KRT39: variants seen among roughly 807,000 people sequenced by gnomAD.
KRT39 encodes keratin, type I cytoskeletal 39.
Under a neutral mutation model 54.8 loss-of-function variants are expected in KRT39, and 47 were observed. The observed-to-expected ratio is 0.86, with a 90% confidence interval of 0.68 to 1.09. KRT39 has a LOEUF of 1.09. KRT39 is among the 50% of genes least tolerant of loss of function. KRT39 has a pLI of 0.00. For synonymous variants in KRT39, 207 were observed against 227.9 expected (o/e 0.91, Z 0.83); for missense variants, 580 against 598.5 (o/e 0.97, Z 0.32).
Position 40,962,451 on chromosome 17 carries a change from G to C in KRT39, c.821C>G (p.Pro274Arg), listed in dbSNP as rs1293480773. ...ATCTTTGCGGTTTGTCTCCATGATG[G>C]GCTCATATTGACATCTCATTTCTTG... ...VLQEMRCQYE[P>R]IMETNRKDVE... The change falls in exon 4 of 7, where the codon CCC becomes CGC. Residue 274 changes from proline to arginine, a missense_variant. Physicochemically the swap from Pro to Arg is moderately radical, Grantham distance 103. Transcript: ENST00000355612. The C allele has an allele frequency of 4.3e-6, 7 of 1,614,046 alleles. No individual in the cohort carries two copies. Among genetic ancestry groups the C allele is most frequent in the Non-Finnish European group, 5.9e-6 (7 of 1,180,040 alleles).
rs530818487 is a variant in KRT39, at chr17:40,962,433, C to T, written c.839G>A (p.Arg280His). The T allele has an allele frequency of 2.1e-5, 34 of 1,614,130 alleles. No homozygotes were observed. The highest frequency in any genetic ancestry group is 1.5e-4 in the Admixed American group (9 of 60,012). The change falls in exon 4 of 7, where the codon CGC (arginine) becomes CAC (histidine). Residue 280 changes from arginine to histidine, a missense_variant. Physicochemically the swap from Arg to His is conservative, Grantham distance 29. Transcript: ENST00000355612. ...GTTGAACCACTGTTCCACATCTTTG[C>T]GGTTTGTCTCCATGATGGGCTCATA... is the stretch of plus-strand genomic sequence containing the variant. ...CQYEPIMETN[R>H]KDVEQWFNTQ...
At chr17:40,965,217 A>G (rs1195622198) in intron 1 of KRT39, among the ~76,000 whole-genome samples, 1 of 147,568 alleles carries the variant, frequency 6.8e-6, no homozygotes, top group African/African-American at 2.5e-5. Context: ...AAAAAAAAAA[A>G]ATACAAAAAT....
chr17:40,966,077 G>A (rs374765575), intron 1 of KRT39, among the ~76,000 whole-genome samples: 1 of 151,566 alleles, frequency 6.6e-6, no homozygotes, highest in African/African-American at 2.4e-5. Context: ...ATGTGTGTGT[G>A]TGTGTGTGTG....
rs746409100 is a variant in KRT39 at position 40,966,372 on chromosome 17, G to A, written c.468+17C>T. The A allele has an allele frequency of 1.3e-6, 2 of 1,546,112 alleles. No individual in the cohort carries two copies. Among genetic ancestry groups the A allele is most frequent in the Admixed American group, 1.7e-5 (1 of 59,156 alleles). On this transcript the variant is annotated intron_variant, in intron 1 of 6. Coordinates refer to ENST00000355612, the MANE Select transcript of KRT39 (RefSeq NM_213656.4). ...ATTAATTCACAACACGATTAAACAG[G>A]TTCTTAGGAATCTTACCTTCTGCTG...
intron 3 of KRT39, 46 bp from the exon 4 acceptor site, chr17:40,962,609 C>A: frequency 6.5e-7 from 1 of 1,536,906 alleles, no homozygotes; most frequent in Non-Finnish European, 8.9e-7. Flanking sequence ...AACAGATAAC[C>A]CCTTTGTGTT....
At position 40,962,223 on chromosome 17, in the gene KRT39, A is replaced by C; in HGVS notation, c.935T>G (p.Ile312Ser). 2 of 1,614,158 alleles carry C rather than the reference A, an allele frequency of 1.2e-6. No individual in the cohort carries two copies. The highest frequency in any genetic ancestry group is 1.7e-6 in the Non-Finnish European group (2 of 1,180,038). ...GTTCACACTGCGTCTCAGTTCTATG[A>C]TCTCCTTTTGGCAGCATTGCTGCTG... ...SQQQQCCQKEIIELRRSVNTL... is the reference protein window; with the variant it reads ...SQQQQCCQKESIELRRSVNTL... The change falls in exon 5 of 7, where the codon ATC (isoleucine) becomes AGC (serine). Residue 312 changes from isoleucine (I) to serine (S), a missense_variant. Ile to Ser is a moderately radical substitution (Grantham distance 142, BLOSUM62 -2). Coordinates refer to ENST00000355612, the MANE Select transcript of KRT39 (RefSeq NM_213656.4).
At position 40,966,891 on chromosome 17, in the gene KRT39, TG is replaced by T; in HGVS notation, c.-36del. 6.7e-7 allele frequency: 1 copy of T among 1,493,456 alleles called. No homozygotes were observed. 92.5% of individuals were successfully genotyped at this position (1,493,456 alleles called of 1,614,324 possible). On this transcript the variant is annotated 5_prime_UTR_variant, in exon 1 of 7. Coordinates refer to ENST00000355612, the MANE Select transcript of KRT39 (RefSeq NM_213656.4). ...CTGGCTTTAGTTTGTTCCAGGTCTG[TG>T]GTCACCAGGATGAAAAGCTCAAGCC...
At chr17:40,962,363 G>A (rs1308439635) in intron 4 of KRT39, 39 bp downstream of exon 4, 1 of 1,612,352 alleles carries the variant, frequency 6.2e-7, no homozygotes, top group Non-Finnish European at 8.5e-7. Context: ...TAGAAATGCA[G>A]CATCAGCTTA....
rs151118656 is a variant in KRT39, at chr17:40,961,521, A to T, written c.996+641T>A. ...AAGCAATTCTCTACTTCAGAGAGGC[A>T]TTATCATGAGACAGAATGATACTGG... On this transcript the variant is annotated intron_variant, in intron 5 of 6. Coordinates refer to ENST00000355612, the MANE Select transcript of KRT39 (RefSeq NM_213656.4). Among the ~76,000 whole-genome samples the T allele has an allele frequency of 4.0e-4, 61 of 152,344 alleles. 2 individuals carry two copies. In the East Asian group the frequency reaches 9.4e-3, roughly 24 times the overall value.
chr17:40,964,588 ACCAAG>A (rs1451986955), intron 1 of KRT39, 60 bp from the exon 2 acceptor site: 3 of 1,200,224 alleles, frequency 2.5e-6, no homozygotes, highest in Non-Finnish European at 3.7e-6. Context: ...TTCTTTAAGA[ACCAAG>A]GGGTTTGTGT....
Position 40,966,622 on chromosome 17 carries a change from G to T in KRT39, c.235C>A (p.Arg79Ser). ...CAGCTGCAGTCATCCAGAGAAAAAC[G>T]GGCATTGAAGTTGTTCATTAGGTAG... is the stretch of plus-strand genomic sequence containing the variant. ...PIYLMNNFNA[R>S]FSLDDCSWYG... Residue 79 changes from arginine (R) to serine (S), a missense_variant, in exon 1 of 7, where the codon CGT becomes AGT. By Grantham distance (110) the Arg-to-Ser change is moderately radical (BLOSUM62 -1). Coordinates refer to ENST00000355612, the MANE Select transcript of KRT39 (RefSeq NM_213656.4). The T allele has an allele frequency of 6.2e-7, 1 of 1,614,158 alleles. No homozygotes were observed. Among genetic ancestry groups the T allele is most frequent in the Non-Finnish European group, 8.5e-7 (1 of 1,180,012 alleles).
At chr17:40,964,064 A>C (rs948018505) in intron 2 of KRT39, 2 of 429,330 alleles carry the variant, frequency 4.7e-6, no homozygotes, top group Non-Finnish European at 8.2e-6. Context: ...TGAAGAAAGC[A>C]CTGGATTAGG....
At chr17:40,961,541 T>C (rs898223079) in intron 5 of KRT39, among the ~76,000 whole-genome samples, 4 of 152,340 alleles carry the variant, frequency 2.6e-5, no homozygotes, top group African/African-American at 9.6e-5. Context: ...GACAGAATGA[T>C]ACTGGCTTTG....
chr17:40,963,626 C>T lies in KRT39; in HGVS notation c.708+1G>A. The T allele has an allele frequency of 6.3e-7, 1 of 1,599,044 alleles. No homozygotes were observed. Among genetic ancestry groups the T allele is most frequent in the Non-Finnish European group, 8.6e-7 (1 of 1,168,236 alleles). ...GATTACTCTATTGGTCTTTGTCTCA[C>T]CTCTTTGTGGTTGTTCTTGAGGCAA... On this transcript the variant is annotated splice_donor_variant, in intron 3 of 6. Coordinates refer to ENST00000355612, the MANE Select transcript of KRT39 (RefSeq NM_213656.4). LOFTEE classifies it high-confidence loss of function.
At chr17:40,959,000 A>T in intron 6 of KRT39, 141 bp from the exon 7 acceptor site, 1 of 723,220 alleles carries the variant, frequency 1.4e-6, no homozygotes, top group East Asian at 2.6e-5. Flanking sequence ...TTTATTTTGT[A>T]CTGTAGTTAC....
rs150760389 is a variant in KRT39, at chr17:40,962,208, C to T, written c.950G>A (p.Arg317His). Residue 317 changes from arginine to histidine, a missense_variant, in exon 5 of 7, where the codon CGC (arginine) becomes CAC (histidine). By Grantham distance (29) the Arg-to-His change is conservative (BLOSUM62 0). Coordinates refer to ENST00000355612, the MANE Select transcript of KRT39 (RefSeq NM_213656.4). ...CCQKEIIELRRSVNTLEVELQ... is the reference protein window; with the variant it reads ...CCQKEIIELRHSVNTLEVELQ... ...TTCAACCTCCAGAGTGTTCACACTG[C>T]GTCTCAGTTCTATGATCTCCTTTTG... 1.2e-4 allele frequency: 191 copies of T among 1,614,198 alleles called. No individual in the cohort carries two copies. The African/African-American group carries it at 1.9e-3, about 16-fold the overall frequency.
rs1417116627 is a variant in KRT39 at position 40,958,651 on chromosome 17, A to T, written c.1426T>A (p.Ser476Thr). 6.2e-7 allele frequency: 1 copy of T among 1,613,770 alleles called. No individual in the cohort carries two copies. Among genetic ancestry groups the T allele is most frequent in the African/African-American group, 1.3e-5 (1 of 74,896 alleles). Residue 476 changes from serine to threonine, a missense_variant, in exon 7 of 7, where the codon TCT (serine) becomes ACT (threonine). Ser to Thr is a moderately conservative substitution (Grantham distance 58, BLOSUM62 1). Coordinates refer to ENST00000355612, the MANE Select transcript of KRT39 (RefSeq NM_213656.4). The stretch of plus-strand genomic sequence containing the variant: ...AAACAAGGCTGCACATGCTCGTAAG[A>T]AGAAATGACCTTCCCATCCTTAATC... Reference protein sequence around the residue: ...KEIKDGKVISSYEHVQPCFII... With the variant: ...KEIKDGKVISTYEHVQPCFII...
Position 40,960,335 on chromosome 17 carries a change from C to G in KRT39, c.1163G>C (p.Arg388Pro). ...EYEILLDVKS[R>P]LECEITTYRS... The stretch of plus-strand genomic sequence containing the variant: ...GTATGTGGTAATCTCACATTCCAGC[C>G]GGGACTTGACGTCCAGCAGGATCTC... The change falls in exon 6 of 7, where the codon CGG becomes CCG. Residue 388 changes from arginine to proline, a missense_variant. By Grantham distance (103) the Arg-to-Pro change is moderately radical. Transcript: ENST00000355612. 6.2e-7 allele frequency: 1 copy of G among 1,613,886 alleles called. No homozygotes were observed. Among genetic ancestry groups the G allele is most frequent in the Non-Finnish European group, 8.5e-7 (1 of 1,179,998 alleles).
rs761890892 is a variant in KRT39, at chr17:40,966,649, T to C, written c.208A>G (p.Ile70Val). The change falls in exon 1 of 7, where the codon ATC becomes GTC. Residue 70 changes from isoleucine (I) to valine (V), a missense_variant. Ile to Val is a conservative substitution (Grantham distance 29). Coordinates refer to ENST00000355612, the MANE Select transcript of KRT39 (RefSeq NM_213656.4). ...GCATTGAAGTTGTTCATTAGGTAGATGGGCTTGCGACAAAAGCGAGGAGTG... is the reference window on the plus strand; with the variant it reads ...GCATTGAAGTTGTTCATTAGGTAGACGGGCTTGCGACAAAAGCGAGGAGTG... ...QPTPRFCRKP[I>V]YLMNNFNARF... 1.2e-6 allele frequency: 2 copies of C among 1,614,232 alleles called. No individual in the cohort carries two copies. The highest frequency in any genetic ancestry group is 1.7e-6 in the Non-Finnish European group (2 of 1,180,038).
Sources: gnomAD v4.1 joint callset for allele counts (sites outside exome capture counted in the v4.1 genomes callset) on GRCh38, gnomAD v4.1.1 for gene constraint, MANE v1.5 for transcripts, NCBI Gene and HGNC (gene_info 2026-07-23, HGNC 2026-07-21) for gene names.